PLD3: variants seen among roughly 807,000 people sequenced by gnomAD.
The protein encoded by PLD3 is 5'-3' exonuclease PLD3.
Under a neutral mutation model 58.4 loss-of-function variants are expected in PLD3, and 31 were observed. That is an observed-to-expected ratio of 0.53 (90% CI 0.40 to 0.72). The LOEUF is 0.72. Among genes scored for constraint, PLD3 ranks in the 30% least tolerant of loss-of-function variants. The pLI, the probability that PLD3 is intolerant of heterozygous loss-of-function variation, is 0.00. For missense variants in PLD3, 595 were observed against 659.8 expected, an observed-to-expected ratio of 0.90 and a Z score of 1.08; for synonymous variants, 264 against 273.4, an observed-to-expected ratio of 0.97 and a Z score of 0.34.
In PLD3 at chr19:40,376,662, T is replaced by G; in HGVS notation, c.1073T>G (p.Val358Gly). Reference protein sequence around the residue: ...GLRRATYERGVKVRLLISCWG... With the variant: ...GLRRATYERGGKVRLLISCWG... Reference sequence around the variant, plus strand: ...CGGCGGGCCACCTACGAGCGTGGCGTCAAGGTGCGCCTGCTCATCAGCTGC... The same window carrying G: ...CGGCGGGCCACCTACGAGCGTGGCGGCAAGGTGCGCCTGCTCATCAGCTGC... Residue 358 changes from valine to glycine, a missense_variant, in exon 11 of 13, where the codon GTC (valine) becomes GGC (glycine). Coordinates refer to ENST00000409735, the MANE Select transcript of PLD3 (RefSeq NM_012268.4). 6.2e-7 allele frequency: 1 copy of G among 1,606,990 alleles called. No individual in the cohort carries two copies. The highest frequency in any genetic ancestry group is 8.5e-7 in the Non-Finnish European group (1 of 1,179,966).
rs531798373 is a variant in PLD3, at chr19:40,376,350, C to T, written c.1020-259C>T. 266 of 402,518 alleles carry T rather than the reference C, an allele frequency of 6.6e-4. 3 individuals carry two copies. Among genetic ancestry groups the T allele is most frequent in the African/African-American group, 5.2e-3 (232 of 44,266 alleles). The allele number at this position is 402,518 out of a possible 1,614,324, so 24.9% of individuals were successfully genotyped here. The stretch of plus-strand genomic sequence containing the variant: ...AGCGTGGGCAACAAGAGCGAAATTC[C>T]ACCTCAAAAAAAAAAAGAAAGAATA... On this transcript the variant is annotated intron_variant, in intron 10 of 12. Coordinates refer to ENST00000409735, the MANE Select transcript of PLD3 (RefSeq NM_012268.4).
rs1164136409 is a variant in PLD3 at position 40,350,027 on chromosome 19, G to A, written c.-279+1259G>A. ...TGTAATCCCAGCACTTTGGGAGGCC[G>A]AGGCGGGCGGATCACCTCAGGTCGG... On this transcript the variant is annotated intron_variant, in intron 1 of 12. Coordinates refer to ENST00000409735, the MANE Select transcript of PLD3 (RefSeq NM_012268.4). Among the ~76,000 whole-genome samples, 14 of 143,536 alleles carry A rather than the reference G, an allele frequency of 9.8e-5. No individual in the cohort carries two copies. In the East Asian group the frequency reaches 2.6e-3, roughly 26 times the overall value. 94.2% of individuals were successfully genotyped at this position (143,536 alleles called of 152,430 possible).
At chr19:40,376,466 A>C in intron 10 of PLD3, 143 bp from the exon 11 acceptor site, 1 of 727,624 alleles carries the variant, frequency 1.4e-6, no homozygotes, top group Non-Finnish European at 2.3e-6. Context: ...TGGAGACAGG[A>C]ACAGGGTCTG....
At chr19:40,369,704 A>T (rs1159103296) in intron 6 of PLD3, 6 of 496,670 alleles carry the variant, frequency 1.2e-5, no homozygotes, top group Non-Finnish European at 2.1e-5. Context: ...ATCACAGGGC[A>T]ACTAATTATT....
chr19:40,354,199 G>C (rs1568647977), intron 1 of PLD3, among the ~76,000 whole-genome samples: 1 of 150,046 alleles, frequency 6.7e-6, no homozygotes, highest in Admixed American at 6.7e-5. Flanking sequence ...TCAGCCTCCT[G>C]AGTAGCTAGG....
intron 1 of PLD3, chr19:40,358,638 T>TCC (rs2078708354): frequency 6.6e-6 from 1 of 152,128 alleles, no homozygotes; most frequent in Admixed American, 6.6e-5. Context: ...CAAGCCATCC[T>TCC]CCCGCCTTGG....
At chr19:40,376,353 C>T in intron 10 of PLD3, 1 of 357,688 alleles carries the variant, frequency 2.8e-6, no homozygotes, top group Non-Finnish European at 4.9e-6. Flanking sequence ...GAAATTCCAC[C>T]TCAAAAAAAA....
Position 40,366,844 on chromosome 19 carries a change from T to A in PLD3, c.174T>A (p.Phe58Leu). The change falls in exon 5 of 13, where the codon TTT becomes TTA. Residue 58 changes from phenylalanine (F) to leucine (L), a missense_variant. Coordinates refer to ENST00000409735, the MANE Select transcript of PLD3 (RefSeq NM_012268.4). ...TCGGAGCCCTGATGACTCAGCTGTT[T>A]CTATGGGAATACGGCGACTTGCATC... is the stretch of plus-strand genomic sequence containing the variant. Reference protein sequence around the residue: ...VGFGALMTQLFLWEYGDLHLF... With the variant: ...VGFGALMTQLLLWEYGDLHLF... The A allele has an allele frequency of 6.2e-7, 1 of 1,614,044 alleles. No individual in the cohort carries two copies. The highest frequency in any genetic ancestry group is 2.2e-5 in the East Asian group (1 of 44,880).
chr19:40,372,621 T>A lies in PLD3; in HGVS notation c.879+748T>A, dbSNP rs1012987717. ...CCAGCCTGGGCAACATAGGGAGACA[T>A]CATTTCTTTCTATTTTTTTTTTTTT... On this transcript the variant is annotated intron_variant, in intron 9 of 12. Transcript: ENST00000409735. Among the ~76,000 whole-genome samples the A allele has an allele frequency of 5.0e-5, 7 of 140,600 alleles. No individual in the cohort carries two copies. In the South Asian group the frequency reaches 7.1e-4, roughly 14 times the overall value. 92.2% of individuals were successfully genotyped at this position (140,600 alleles called of 152,430 possible). A position where few individuals can be genotyped will look rare whatever the true frequency, so the allele number is the denominator to read the frequency against.
In PLD3 at chr19:40,369,941, G is replaced by A. The variant is rs1204997140; in HGVS notation, c.463G>A (p.Ala155Thr). 1.3e-6 allele frequency: 2 copies of A among 1,562,050 alleles called. No homozygotes were observed. The highest frequency in any genetic ancestry group is 2.4e-5 in the East Asian group (1 of 41,934). Residue 155 changes from alanine (A) to threonine (T), a missense_variant, in exon 7 of 13, where the codon GCA becomes ACA. By Grantham distance (58) the Ala-to-Thr change is moderately conservative (BLOSUM62 0). Transcript: ENST00000409735. Reference sequence around the variant, plus strand: ...GGTCCTCCGGCAGCTGCAGACCCTGGCACCAAAGGGCGTGAACGTCCGCAT... The same window carrying A: ...GGTCCTCCGGCAGCTGCAGACCCTGACACCAAAGGGCGTGAACGTCCGCAT... ...EEVLRQLQTL[A>T]PKGVNVRIAV...
At chr19:40,366,543 C>G (rs1216041703) in intron 3 of PLD3, 33 bp downstream of exon 3, 1 of 1,606,530 alleles carries the variant, frequency 6.2e-7, no homozygotes, top group African/African-American at 1.3e-5. Context: ...CAGGGTGGAA[C>G]TGGGTACAGT....
rs181500857 is a variant in PLD3 at position 40,351,744 on chromosome 19, G to A, written c.-279+2976G>A. ...GGGCACATCGTGGAAGGCCTTGTGA[G>A]CCATGCAGAAGGCTGGCTTTTACTC... On this transcript the variant is annotated intron_variant, in intron 1 of 12. Coordinates refer to ENST00000409735, the MANE Select transcript of PLD3 (RefSeq NM_012268.4). 3.3e-5 allele frequency among the ~76,000 whole-genome samples: 5 copies of A among 152,308 alleles called. No homozygotes were observed. In the East Asian group the frequency reaches 9.6e-4, roughly 29 times the overall value.
At chr19:40,371,531 C>T (rs984757923) in intron 8 of PLD3, 142 bp from the exon 9 acceptor site, 4 of 597,742 alleles carry the variant, frequency 6.7e-6, no homozygotes, top group Non-Finnish European at 1.2e-5. Flanking sequence ...AGTTGATAAT[C>T]ATTCTAGGAC....
chr19:40,372,020 G>A, intron 9 of PLD3, 147 bp downstream of exon 9: 1 of 668,872 alleles, frequency 1.5e-6, no homozygotes, highest in Non-Finnish European at 2.6e-6. Context: ...CAGGGGCCTG[G>A]AGTAGTTCCC....
chr19:40,361,403 G>A (rs1023835581), intron 1 of PLD3, among the ~76,000 whole-genome samples: 13 of 152,108 alleles, frequency 8.5e-5, no homozygotes, highest in Non-Finnish European at 1.8e-4. Context: ...GAGCCATCAC[G>A]CCCAGTGGAG....
Position 40,366,696 on chromosome 19 carries a change from C to T in PLD3, c.102+12C>T. 1 of 1,611,806 alleles carries T rather than the reference C, an allele frequency of 6.2e-7. No homozygotes were observed. The highest frequency in any genetic ancestry group is 8.5e-7 in the Non-Finnish European group (1 of 1,178,600). ...AGGCTGCGGAAAAGGTAGGAGCCCT[C>T]CGCCACCCTCGCTCTGTCTCAGAGA... On this transcript the variant is annotated intron_variant, in intron 4 of 12. Transcript: ENST00000409735.
At chr19:40,351,716 AT>A (rs1259452808) in intron 1 of PLD3, among the ~76,000 whole-genome samples, 5 of 152,138 alleles carry the variant, frequency 3.3e-5, no homozygotes, top group South Asian at 2.1e-4. Flanking sequence ...TGGAGGGGTG[AT>A]GGGGCACATC....
chr19:40,370,803 G>C (rs1233466028), intron 8 of PLD3: 1 of 153,506 alleles, frequency 6.5e-6, no homozygotes, highest in Non-Finnish European at 1.4e-5. Context: ...GCACCCATTT[G>C]ATCTTCATTG....
intron 8 of PLD3, chr19:40,371,355 C>A: frequency 3.1e-6 from 1 of 318,326 alleles, no homozygotes; most frequent in Non-Finnish European, 5.9e-6. Flanking sequence ...CAGAGGAATG[C>A]CTGGTGCAGG....
Sources: gnomAD v4.1 joint callset for allele counts (sites outside exome capture counted in the v4.1 genomes callset) on GRCh38, gnomAD v4.1.1 for gene constraint, MANE v1.5 for transcripts, NCBI Gene and HGNC (gene_info 2026-07-23, HGNC 2026-07-21) for gene names.